The following DENND1A variants were observed in gnomAD, a reference collection of about 807,000 sequenced individuals.
The protein encoded by DENND1A is DENN domain containing 1A.
DENND1A carries 51 observed loss-of-function variants against 113.7 expected under a neutral mutation model. That is an observed-to-expected ratio of 0.45 (90% CI 0.36 to 0.57). The LOEUF is 0.57. Among genes scored for constraint, DENND1A ranks in the 20% least tolerant of loss-of-function variants. The pLI is 0.00. For synonymous variants in DENND1A, 565 were observed against 570.8 expected, an observed-to-expected ratio of 0.99 and a Z score of 0.14; for missense variants, 1,258 against 1,395.9, an observed-to-expected ratio of 0.90 and a Z score of 1.57.
At chr9:123,714,474 T>C (rs753932748) in intron 5 of DENND1A, among the ~76,000 whole-genome samples, 7 of 152,094 alleles carry the variant, frequency 4.6e-5, no homozygotes, top group South Asian at 2.1e-4. Context: ...TGGTGGTGCA[T>C]GCCTGTAATC....
At chr9:123,560,681 C>A (rs1428677230) in intron 12 of DENND1A, among the ~76,000 whole-genome samples, 3 of 140,600 alleles carry the variant, frequency 2.1e-5, no homozygotes, top group African/African-American at 8.6e-5. Flanking sequence ...CAGAGTGAGA[C>A]CCTGTCTCAA....
intron 22 of DENND1A, among the ~76,000 whole-genome samples, chr9:123,386,189 C>T (rs1471497827): frequency 6.6e-6 from 1 of 152,046 alleles, no homozygotes; most frequent in Non-Finnish European, 1.5e-5. Flanking sequence ...GCTAAAGGTT[C>T]TCTTTTTGTT....
rs1564704493 is a variant in DENND1A at position 123,552,664 on chromosome 9, C to T, written c.993+4906G>A. Among the ~76,000 whole-genome samples, 3 of 152,342 alleles carry T rather than the reference C, an allele frequency of 2.0e-5. No homozygotes were observed. In the South Asian group the frequency reaches 6.2e-4, roughly 32 times the overall value. ...ACTGCAGCTGGGCTGCCCTGCGTGG[C>T]GTTCACATACCTGGCCTTCTACCCT... On this transcript the variant is annotated intron_variant, in intron 13 of 23. Coordinates refer to ENST00000394215, the MANE Select transcript of DENND1A (RefSeq NM_001352964.2).
intron 2 of DENND1A, among the ~76,000 whole-genome samples, chr9:123,841,709 GT>G (rs2132975266): frequency 6.6e-6 from 1 of 152,304 alleles, no homozygotes; most frequent in Non-Finnish European, 1.5e-5. Context: ...TTGGTGCAGG[GT>G]GGGTGGGGGA....
At chr9:123,554,171 C>T (rs1366421745) in intron 13 of DENND1A, among the ~76,000 whole-genome samples, 1 of 152,200 alleles carries the variant, frequency 6.6e-6, no homozygotes, top group South Asian at 2.1e-4. Flanking sequence ...GCCAACGCCT[C>T]CTCCCTATTT....
intron 12 of DENND1A, among the ~76,000 whole-genome samples, chr9:123,569,850 G>A (rs1294070016): frequency 2.0e-5 from 3 of 152,134 alleles, no homozygotes; most frequent in East Asian, 1.9e-4. Flanking sequence ...TCCAACACTC[G>A]ACCCTTAGTC....
intron 9 of DENND1A, among the ~76,000 whole-genome samples, chr9:123,634,646 G>A (rs186173749): frequency 2.6e-5 from 4 of 152,314 alleles, no homozygotes; most frequent in Admixed American, 2.6e-4. Context: ...TAATTGAAGT[G>A]CAAGTTGAAG....
chr9:123,903,331 C>CAAAA (rs869154918), intron 1 of DENND1A, among the ~76,000 whole-genome samples: 645 of 26,998 alleles, frequency 0.024, 115 homozygotes, highest in African/African-American at 0.071. Context: ...GACTCCGTCT[C>CAAAA]AAAAAAAAAA....
chr9:123,840,222 G>A (rs971045023), intron 2 of DENND1A, among the ~76,000 whole-genome samples: 1 of 151,610 alleles, frequency 6.6e-6, no homozygotes, highest in African/African-American at 2.4e-5. Context: ...ATTTGCCCTG[G>A]ACATCATTAA....
chr9:123,671,982 A>G (rs2063787140), intron 6 of DENND1A, among the ~76,000 whole-genome samples: 1 of 152,240 alleles, frequency 6.6e-6, no homozygotes, highest in South Asian at 2.1e-4. Context: ...AACACTGCTC[A>G]CAGAATTATC....
At chr9:123,814,522 T>C (rs1356380383) in intron 2 of DENND1A, among the ~76,000 whole-genome samples, 8 of 152,156 alleles carry the variant, frequency 5.3e-5, no homozygotes, top group African/African-American at 1.7e-4. Flanking sequence ...TTCAAAAAAT[T>C]CATTAAGCAT....
At chr9:123,919,466 C>G (rs748349502) in intron 1 of DENND1A, among the ~76,000 whole-genome samples, 25 of 148,486 alleles carry the variant, frequency 1.7e-4, no homozygotes, top group Non-Finnish European at 3.4e-4. Context: ...AGTACAACTT[C>G]AACTAAAAAA....
intron 13 of DENND1A, among the ~76,000 whole-genome samples, chr9:123,551,015 A>T (rs529835515): frequency 1.6e-4 from 24 of 152,330 alleles, no homozygotes; most frequent in African/African-American, 4.8e-4. Context: ...GGCCTAAATA[A>T]ATGAGCTGGA....
intron 8 of DENND1A, among the ~76,000 whole-genome samples, chr9:123,658,083 T>C (rs1037842871): frequency 2.0e-5 from 3 of 152,236 alleles, no homozygotes; most frequent in Non-Finnish European, 4.4e-5. Flanking sequence ...AAAGTCATGA[T>C]GAGTTCATAA....
chr9:123,648,047 G>A (rs959708419), intron 9 of DENND1A, among the ~76,000 whole-genome samples: 13 of 152,110 alleles, frequency 8.5e-5, no homozygotes, highest in South Asian at 2.1e-4. Context: ...TGTCAGCCAC[G>A]AAATTTTTTG....
chr9:123,475,852 G>C (rs951994962), intron 13 of DENND1A, among the ~76,000 whole-genome samples: 1 of 152,198 alleles, frequency 6.6e-6, no homozygotes, highest in Admixed American at 6.5e-5. Flanking sequence ...TGATCATCTG[G>C]GGGGACAGCT....
intron 21 of DENND1A, among the ~76,000 whole-genome samples, chr9:123,402,170 T>C (rs2043525249): frequency 6.6e-6 from 1 of 152,210 alleles, no homozygotes; most frequent in Non-Finnish European, 1.5e-5. Flanking sequence ...AAAGTTAAAC[T>C]TAACCCAGCT....
intron 13 of DENND1A, among the ~76,000 whole-genome samples, chr9:123,498,040 G>A (rs1321139403): frequency 6.6e-6 from 1 of 152,186 alleles, no homozygotes; most frequent in Non-Finnish European, 1.5e-5. Flanking sequence ...CAATTTTAGG[G>A]CTCATGTCAG....
At chr9:123,554,405 T>TG (rs761779179) in intron 13 of DENND1A, among the ~76,000 whole-genome samples, 1 of 152,086 alleles carries the variant, frequency 6.6e-6, no homozygotes, top group African/African-American at 2.4e-5. Flanking sequence ...TTTGTAGAGA[T>TG]GGGGTCTCTC....
Sources: allele counts gnomAD v4.1 joint callset (sites outside exome capture counted in the v4.1 genomes callset), GRCh38; gene constraint gnomAD v4.1.1; transcripts MANE v1.5; gene names NCBI Gene and HGNC (gene_info 2026-07-23, HGNC 2026-07-21).